The following TBC1D5 variants were observed in gnomAD, a reference collection of about 807,000 sequenced individuals.
The protein encoded by TBC1D5 is TBC1 domain family member 5.
TBC1D5 carries 75 observed loss-of-function variants against 100.3 expected under a neutral mutation model. That is an observed-to-expected ratio of 0.75 (90% CI 0.62 to 0.91). The LOEUF is 0.91. Among genes scored for constraint, TBC1D5 ranks in the 40% least tolerant of loss-of-function variants. TBC1D5 has a pLI of 0.00. For missense variants in TBC1D5, 910 were observed against 942.4 expected (o/e 0.97, Z 0.45); for synonymous variants, 323 against 325.6 (o/e 0.99, Z 0.09).
At chr3:17,295,824 A>G (rs369872130) in intron 14 of TBC1D5, among the ~76,000 whole-genome samples, 1 of 152,220 alleles carries the variant, frequency 6.6e-6, no homozygotes, top group Admixed American at 6.5e-5. Flanking sequence ...AGTACCTATA[A>G]TATGCCTGAA....
At chr3:17,437,922 C>T (rs1051222552) in intron 3 of TBC1D5, among the ~76,000 whole-genome samples, 2 of 152,010 alleles carry the variant, frequency 1.3e-5, no homozygotes, top group Non-Finnish European at 2.9e-5. Context: ...TCTTATATGC[C>T]CTCATTTACT....
intron 1 of TBC1D5, among the ~76,000 whole-genome samples, chr3:17,648,713 C>T (rs531445994): frequency 6.6e-6 from 1 of 152,206 alleles, no homozygotes; most frequent in Admixed American, 6.5e-5. Context: ...ATGCGGCCAA[C>T]AAGCGTATGA....
intron 8 of TBC1D5, among the ~76,000 whole-genome samples, chr3:17,397,335 T>C (rs1427552590): frequency 1.3e-5 from 2 of 152,116 alleles, no homozygotes; most frequent in Non-Finnish European, 1.5e-5. Context: ...AAGCATGGCA[T>C]ACATATACAC....
intron 13 of TBC1D5, among the ~76,000 whole-genome samples, chr3:17,347,876 C>G (rs1036636864): frequency 2.0e-5 from 3 of 152,062 alleles, no homozygotes; most frequent in African/African-American, 7.2e-5. Flanking sequence ...GGAGACACAT[C>G]CCTGTAATTC....
At chr3:17,684,012 C>T (rs1005146587) in intron 1 of TBC1D5, among the ~76,000 whole-genome samples, 1 of 152,078 alleles carries the variant, frequency 6.6e-6, no homozygotes, top group Non-Finnish European at 1.5e-5. Context: ...ACACAGCTAG[C>T]ACTCCCCAAA....
At chr3:17,682,311 G>A (rs578172635) in intron 1 of TBC1D5, among the ~76,000 whole-genome samples, 1 of 151,356 alleles carries the variant, frequency 6.6e-6, no homozygotes, top group Admixed American at 6.6e-5. Flanking sequence ...TGCTTTATAT[G>A]AAGAAAAACT....
intron 2 of TBC1D5, among the ~76,000 whole-genome samples, chr3:17,564,826 A>G (rs758089202): frequency 6.6e-6 from 1 of 152,174 alleles, no homozygotes; most frequent in African/African-American, 2.4e-5. Context: ...CTTACAGATT[A>G]TTTTTAATTT....
In TBC1D5 at chr3:17,571,792, A is replaced by T. The variant is rs1021752084; in HGVS notation, c.-36+52057T>A. ...CATACATCCACTGTGACAGCCAAGG[A>T]GATGTACTACTCAAGAGACAAAATG... is the stretch of plus-strand genomic sequence containing the variant. On this transcript the variant is annotated intron_variant, in intron 2 of 21. Transcript: ENST00000253692. Among the ~76,000 whole-genome samples the T allele has an allele frequency of 4.6e-5, 7 of 152,044 alleles. No individual in the cohort carries two copies. The East Asian group carries it at 7.7e-4, about 17-fold the overall frequency.
chr3:17,333,785 T>A (rs143388455), intron 13 of TBC1D5, among the ~76,000 whole-genome samples: 4 of 152,078 alleles, frequency 2.6e-5, no homozygotes, highest in African/African-American at 9.6e-5. Context: ...GGAAATATAG[T>A]AGGGTTGCTA....
chr3:17,376,477 C>G (rs777290668), intron 10 of TBC1D5, 48 bp downstream of exon 10: 1 of 1,522,276 alleles, frequency 6.6e-7, no homozygotes, highest in Non-Finnish European at 8.9e-7. Flanking sequence ...CAAAGGTTAC[C>G]GTGGGGGCTA....
intron 2 of TBC1D5, among the ~76,000 whole-genome samples, chr3:17,538,497 G>C (rs183092735): frequency 6.6e-6 from 1 of 152,254 alleles, no homozygotes; most frequent in East Asian, 1.9e-4. Flanking sequence ...CAAGTCACCT[G>C]CTTGGCCCTT....
chr3:17,481,523 C>G (rs756287212), intron 3 of TBC1D5, among the ~76,000 whole-genome samples: 2 of 152,198 alleles, frequency 1.3e-5, no homozygotes, highest in Non-Finnish European at 2.9e-5. Flanking sequence ...CCACTGCACT[C>G]CAGCCTGGGC....
intron 21 of TBC1D5, among the ~76,000 whole-genome samples, chr3:17,166,546 G>A (rs561990150): frequency 7.2e-5 from 11 of 152,162 alleles, no homozygotes; most frequent in East Asian, 1.9e-4. Flanking sequence ...GGCACGCACC[G>A]CACGGCTCTA....
At chr3:17,650,221 C>T (rs755679038) in intron 1 of TBC1D5, among the ~76,000 whole-genome samples, 2 of 151,822 alleles carry the variant, frequency 1.3e-5, no homozygotes, top group Admixed American at 6.6e-5. Flanking sequence ...CAGCAAACCA[C>T]GATGGCACAT....
chr3:17,518,392 G>A (rs1350821663), intron 2 of TBC1D5, among the ~76,000 whole-genome samples: 1 of 152,182 alleles, frequency 6.6e-6, no homozygotes, highest in African/African-American at 2.4e-5. Context: ...GACTGAACAT[G>A]GGAGAGAAGT....
chr3:17,309,739 C>T (rs549436622), intron 13 of TBC1D5, among the ~76,000 whole-genome samples: 17 of 152,168 alleles, frequency 1.1e-4, no homozygotes, highest in Admixed American at 3.9e-4. Flanking sequence ...AAATAGGCTG[C>T]TATTCTTAAT....
intron 2 of TBC1D5, among the ~76,000 whole-genome samples, chr3:17,582,264 A>C (rs1269439527): frequency 6.6e-6 from 1 of 152,226 alleles, no homozygotes; most frequent in Non-Finnish European, 1.5e-5. Flanking sequence ...CAAATTTCTC[A>C]GGAGGAATAA....
At chr3:17,462,841 G>C (rs532992657) in intron 3 of TBC1D5, among the ~76,000 whole-genome samples, 118 of 152,186 alleles carry the variant, frequency 7.8e-4, no homozygotes, top group Non-Finnish European at 1.1e-3. Context: ...TCTTATTTCT[G>C]AATGAAATGT....
intron 4 of TBC1D5, among the ~76,000 whole-genome samples, chr3:17,416,266 G>A (rs2094067764): frequency 6.6e-6 from 1 of 152,146 alleles, no homozygotes; most frequent in African/African-American, 2.4e-5. Flanking sequence ...TTCTACATCT[G>A]ACTCCCCAAT....
Sources: allele counts gnomAD v4.1 joint callset (sites outside exome capture counted in the v4.1 genomes callset), GRCh38; gene constraint gnomAD v4.1.1; transcripts MANE v1.5; gene names NCBI Gene and HGNC (gene_info 2026-07-23, HGNC 2026-07-21).